Variants in CHD6 observed in about 807,000 individuals in gnomAD.
The protein encoded by CHD6 is chromodomain helicase DNA binding protein 6.
Under a neutral mutation model 276.9 loss-of-function variants are expected in CHD6, and 50 were observed. The ratio of observed to expected loss-of-function variants is 0.18; its 90% CI spans 0.14 to 0.23. CHD6 has a LOEUF of 0.23. Among genes scored for constraint, CHD6 ranks in the 10% least tolerant of loss-of-function variants. CHD6 has a pLI of 1.00. For missense variants in CHD6, 2,564 were observed against 3,365.8 expected (o/e 0.76, Z 5.89); for synonymous variants, 1,173 against 1,229.3 (o/e 0.95, Z 0.96).
intron 1 of CHD6, among the ~76,000 whole-genome samples, chr20:41,600,432 A>G (rs998136767): frequency 6.6e-6 from 1 of 151,770 alleles, no homozygotes; most frequent in Non-Finnish European, 1.5e-5. Flanking sequence ...GGGTAGAGTG[A>G]GGGGGGGGTC....
chr20:41,545,083 TCTC>T (rs1476279153), intron 2 of CHD6, among the ~76,000 whole-genome samples: 4 of 152,104 alleles, frequency 2.6e-5, no homozygotes, highest in Non-Finnish European at 5.9e-5. Context: ...CAGCTCAACT[TCTC>T]CGGATGTCCT....
Position 41,452,663 on chromosome 20 carries a change from T to C in CHD6, c.3323+77A>G. On this transcript the variant is annotated intron_variant, in intron 21 of 36. Transcript: ENST00000373233. This position sits in a 1 kb window ranked among gnomAD's most constrained non-coding sequence, Gnocchi z 4.2. ...TCCAAAGGTGACTGGAGAGACATCC[T>C]AGACAAATCTCAGGGACTGAAAAAC... 1 of 1,323,588 alleles carries C rather than the reference T, an allele frequency of 7.6e-7. No individual in the cohort carries two copies. Among genetic ancestry groups the C allele is most frequent in the African/African-American group, 1.5e-5 (1 of 68,738 alleles). 82.0% of individuals were successfully genotyped at this position (1,323,588 alleles called of 1,614,324 possible).
chr20:41,519,840 A>C (rs1345742544), intron 3 of CHD6, among the ~76,000 whole-genome samples: 1 of 152,234 alleles, frequency 6.6e-6, no homozygotes, highest in Non-Finnish European at 1.5e-5. Flanking sequence ...TAATTAAACT[A>C]AAGAGCTTCT....
intron 31 of CHD6, among the ~76,000 whole-genome samples, chr20:41,418,946 T>C (rs1287359201): frequency 6.6e-6 from 1 of 152,228 alleles, no homozygotes; most frequent in Non-Finnish European, 1.5e-5. Flanking sequence ...TAATTTCTCC[T>C]CTAAACCATA....
At chr20:41,464,649 T>C (rs547384598) in intron 17 of CHD6, among the ~76,000 whole-genome samples, 1 of 152,332 alleles carries the variant, frequency 6.6e-6, no homozygotes, top group East Asian at 1.9e-4. Context: ...GTATGAGTGC[T>C]TGCTTAAGTA....
At chr20:41,615,136 A>C (rs1043152574) in intron 1 of CHD6, among the ~76,000 whole-genome samples, 31 of 152,232 alleles carry the variant, frequency 2.0e-4, no homozygotes, top group Non-Finnish European at 3.5e-4. Flanking sequence ...GATCAGGGTC[A>C]AATTCTGGCT....
intron 36 of CHD6, among the ~76,000 whole-genome samples, chr20:41,406,494 C>A (rs1028540957): frequency 6.6e-6 from 1 of 152,196 alleles, no homozygotes; most frequent in Non-Finnish European, 1.5e-5. Context: ...GAAGGCAGCA[C>A]GTGGAAAGGA....
At chr20:41,407,674 T>TG (rs2046719052) in intron 36 of CHD6, among the ~76,000 whole-genome samples, 1 of 152,236 alleles carries the variant, frequency 6.6e-6, no homozygotes, top group African/African-American at 2.4e-5. Context: ...CAGGTTCTCA[T>TG]GGGCTGTAAG....
At position 41,403,601 on chromosome 20, in the gene CHD6, C is replaced by T. The variant is rs2046588262; in HGVS notation, c.*992G>A. 1 of 1,062,696 alleles carries T rather than the reference C, an allele frequency of 9.4e-7. No homozygotes were observed. Among genetic ancestry groups the T allele is most frequent in the African/African-American group, 1.6e-5 (1 of 60,906 alleles). 65.8% of individuals were successfully genotyped at this position (1,062,696 alleles called of 1,614,324 possible). On this transcript the variant is annotated 3_prime_UTR_variant, in exon 37 of 37. Coordinates refer to ENST00000373233, the MANE Select transcript of CHD6 (RefSeq NM_032221.5). ...GCCTCAGACACTCTTGATCAAAGGA[C>T]CTACTAGCAAGTGTCAAAGTGTTGG...
At position 41,421,032 on chromosome 20, in the gene CHD6, T is replaced by A. The variant is rs2047173246; in HGVS notation, c.5603A>T (p.Glu1868Val). The change falls in exon 31 of 37, where the codon GAA (glutamate) becomes GTA (valine). Residue 1868 changes from glutamate (E) to valine (V), a missense_variant. Coordinates refer to ENST00000373233, the MANE Select transcript of CHD6 (RefSeq NM_032221.5). Reference sequence around the variant, plus strand: ...TTCCTCCTCGTTTTCCTCCTCTTCTTCCTCCTCATCACTGTGGTTCTGACT... The same window carrying A: ...TTCCTCCTCGTTTTCCTCCTCTTCTACCTCCTCATCACTGTGGTTCTGACT... ...ILSQNHSDEE[E>V]EEEENEEENL... 6.2e-7 allele frequency: 1 copy of A among 1,613,806 alleles called. No homozygotes were observed. The highest frequency in any genetic ancestry group is 1.7e-5 in the Admixed American group (1 of 59,958).
chr20:41,428,426 A>G (rs529220586), intron 27 of CHD6, among the ~76,000 whole-genome samples: 1 of 152,344 alleles, frequency 6.6e-6, no homozygotes, highest in Admixed American at 6.5e-5. Flanking sequence ...TTCTGCTTAC[A>G]TGATTAACTT....
intron 1 of CHD6, among the ~76,000 whole-genome samples, chr20:41,584,081 A>T (rs1271290685): frequency 6.6e-6 from 1 of 152,132 alleles, no homozygotes; most frequent in African/African-American, 2.4e-5. Context: ...AGATTATCAC[A>T]ATACCCAGTT....
intron 5 of CHD6, among the ~76,000 whole-genome samples, chr20:41,512,131 C>T (rs905302802): frequency 3.9e-5 from 5 of 126,906 alleles, no homozygotes; most frequent in Non-Finnish European, 6.1e-5. Flanking sequence ...CCATGCCCAG[C>T]TAATTTTTTT....
chr20:41,402,870 G>A lies in CHD6; in HGVS notation c.*1723C>T, dbSNP rs2046571191. ...CATTATAGACCATCTATGCTACAAG[G>A]ATGTCATTAAATAGGATTTGTTCAA... On this transcript the variant is annotated 3_prime_UTR_variant, in exon 37 of 37. Transcript: ENST00000373233. 1.4e-5 allele frequency: 3 copies of A among 208,330 alleles called. No homozygotes were observed. The highest frequency in any genetic ancestry group is 2.9e-5 in the Non-Finnish European group (3 of 102,226). The allele number at this position is 208,330 out of a possible 1,614,324, so 12.9% of individuals were successfully genotyped here. A position where few individuals can be genotyped will look rare whatever the true frequency, so the allele number is the denominator to read the frequency against.
chr20:41,514,812 T>G lies in CHD6; in HGVS notation c.695A>C (p.Asp232Ala). 1 of 1,613,946 alleles carries G rather than the reference T, an allele frequency of 6.2e-7. No individual in the cohort carries two copies. Among genetic ancestry groups the G allele is most frequent in the African/African-American group, 1.3e-5 (1 of 75,032 alleles). ...RSPEESTEST[D>A]SQKRRSGRQV... ...TCCCGGTCACAGCTGTACCTGGCTG[T>G]CTGTAGACTCAGTGGACTCCTCAGG... The change falls in exon 4 of 37, where the codon GAC becomes GCC. Residue 232 changes from aspartate (D) to alanine (A), a missense_variant. Asp to Ala is a moderately radical substitution (Grantham distance 126). Transcript: ENST00000373233.
At position 41,415,682 on chromosome 20, in the gene CHD6, G is replaced by A. The variant is rs901690884; in HGVS notation, c.6487-44C>T. ...CAAGAGAGGTCTGAATGTCACACAA[G>A]TGGCTGAATGCTAGCTCTTTCTCCA... On this transcript the variant is annotated intron_variant, in intron 33 of 36. Transcript: ENST00000373233. 11 of 1,409,898 alleles carry A rather than the reference G, an allele frequency of 7.8e-6. No homozygotes were observed. The Admixed American group carries it at 1.1e-4, about 14-fold the overall frequency. 87.3% of individuals were successfully genotyped at this position (1,409,898 alleles called of 1,614,324 possible). A position where few individuals can be genotyped will look rare whatever the true frequency, so the allele number is the denominator to read the frequency against.
chr20:41,517,583 G>A (rs916806797), intron 3 of CHD6, among the ~76,000 whole-genome samples: 5 of 152,218 alleles, frequency 3.3e-5, no homozygotes. Flanking sequence ...TATCAGTTCA[G>A]AAGAGGAGAC....
chr20:41,402,716 CATAA>C lies in CHD6; in HGVS notation c.*1873_*1876del, dbSNP rs2046567780. On this transcript the variant is annotated 3_prime_UTR_variant, in exon 37 of 37. Coordinates refer to ENST00000373233, the MANE Select transcript of CHD6 (RefSeq NM_032221.5). The stretch of plus-strand genomic sequence containing the variant: ...TATATTGATTGAGTTATTTTTCTTA[CATAA>C]ATAAATTATATTGATTTTTAGGATT... 4.7e-6 allele frequency: 1 copy of C among 210,754 alleles called. No individual in the cohort carries two copies. Among genetic ancestry groups the C allele is most frequent in the East Asian group, 7.2e-5 (1 of 13,962 alleles). The allele number at this position is 210,754 out of a possible 1,614,324, so 13.1% of individuals were successfully genotyped here. A position where few individuals can be genotyped will look rare whatever the true frequency, so the allele number is the denominator to read the frequency against.
intron 5 of CHD6, among the ~76,000 whole-genome samples, chr20:41,501,880 T>C (rs2043837634): frequency 7.0e-6 from 1 of 143,754 alleles, no homozygotes; most frequent in Non-Finnish European, 1.6e-5. Flanking sequence ...TTAATTCACA[T>C]TTTCCTGATA....
Sources: gnomAD v4.1 joint callset for allele counts (sites outside exome capture counted in the v4.1 genomes callset) on GRCh38, gnomAD v4.1.1 for gene constraint, Gnocchi (gnomAD v3.1) non-coding constraint, MANE v1.5 for transcripts, NCBI Gene and HGNC (gene_info 2026-07-23, HGNC 2026-07-21) for gene names.